Variants in ZNF804B observed in about 807,000 individuals in gnomAD.
The protein encoded by ZNF804B is zinc finger 804B.
Under a neutral mutation model 101.4 loss-of-function variants are expected in ZNF804B, and 80 were observed. That is an observed-to-expected ratio of 0.79 (90% CI 0.66 to 0.95). The LOEUF (loss-of-function observed/expected upper bound fraction) is 0.95. Among genes scored for constraint, ZNF804B ranks in the 40% least tolerant of loss-of-function variants. The pLI is 0.00. For synonymous variants in ZNF804B, 622 were observed against 558.8 expected (o/e 1.11, Z -1.59); for missense variants, 1,673 against 1,561.9 (o/e 1.07, Z -1.20).
intron 1 of ZNF804B, among the ~76,000 whole-genome samples, chr7:89,067,830 T>TTTC (rs1554360903): frequency 1.4e-4 from 21 of 146,146 alleles, no homozygotes; most frequent in Non-Finnish European, 2.9e-4. Context: ...TTTCTTTTCT[T>TTTC]TTTTTTTTTT....
At chr7:89,228,444 A>G (rs1789130896) in intron 2 of ZNF804B, among the ~76,000 whole-genome samples, 1 of 151,984 alleles carries the variant, frequency 6.6e-6, no homozygotes, top group African/African-American at 2.4e-5. Flanking sequence ...CCTGAGCTAG[A>G]CACATAGGTT....
chr7:88,841,888 C>T (rs1791297188), intron 1 of ZNF804B, among the ~76,000 whole-genome samples: 2 of 152,112 alleles, frequency 1.3e-5, no homozygotes, highest in African/African-American at 4.8e-5. Context: ...TACTGTATTT[C>T]TCAGAAAGAG....
rs1163210010 is a variant in ZNF804B, at chr7:88,947,467, A to G, written c.108+187383A>G. On this transcript the variant is annotated intron_variant, in intron 1 of 3. Coordinates refer to ENST00000333190, the MANE Select transcript of ZNF804B (RefSeq NM_181646.5). ...ACTCATAAGTGGGAGTTGAACAATG[A>G]GAACACGTGGACACAGGGAGGGGAA... 9.9e-5 allele frequency among the ~76,000 whole-genome samples: 15 copies of G among 151,820 alleles called. 1 individual carries two copies. The highest frequency in any genetic ancestry group is 9.2e-4 in the Admixed American group (14 of 15,204).
At chr7:89,174,501 T>C (rs1233538387) in intron 1 of ZNF804B, among the ~76,000 whole-genome samples, 1 of 152,090 alleles carries the variant, frequency 6.6e-6, no homozygotes, top group Non-Finnish European at 1.5e-5. Context: ...TCTCTGTTGA[T>C]GGACACACAA....
intron 1 of ZNF804B, among the ~76,000 whole-genome samples, chr7:88,912,673 G>A (rs1260455827): frequency 1.3e-5 from 2 of 151,854 alleles, no homozygotes; most frequent in African/African-American, 4.8e-5. Flanking sequence ...ATACTAATCC[G>A]GCTCTTCATT....
chr7:89,145,619 A>G (rs899580277), intron 1 of ZNF804B, among the ~76,000 whole-genome samples: 3 of 152,018 alleles, frequency 2.0e-5, no homozygotes, highest in African/African-American at 4.8e-5. Flanking sequence ...ACTAATTGTA[A>G]CCTTAAATGA....
At chr7:88,888,412 T>C (rs908689796) in intron 1 of ZNF804B, among the ~76,000 whole-genome samples, 7 of 152,018 alleles carry the variant, frequency 4.6e-5, no homozygotes, top group African/African-American at 1.2e-4. Context: ...ATATATTAGT[T>C]TTATGATCAT....
chr7:88,905,557 C>T (rs1040802602), intron 1 of ZNF804B, among the ~76,000 whole-genome samples: 5 of 152,072 alleles, frequency 3.3e-5, no homozygotes, highest in Non-Finnish European at 5.9e-5. Flanking sequence ...TGGGGTTTCA[C>T]CATGTTGGCC....
intron 1 of ZNF804B, among the ~76,000 whole-genome samples, chr7:88,762,231 T>C (rs1232911382): frequency 6.6e-6 from 1 of 152,258 alleles, no homozygotes; most frequent in African/African-American, 2.4e-5. Flanking sequence ...TTTGATTTAC[T>C]TGGTCTTCTT....
At chr7:88,777,490 A>C (rs955825302) in intron 1 of ZNF804B, among the ~76,000 whole-genome samples, 6 of 152,190 alleles carry the variant, frequency 3.9e-5, no homozygotes, top group African/African-American at 1.4e-4. Context: ...AAGAGTGAGA[A>C]TAGAGCTGAA....
At chr7:89,132,549 C>T (rs1192551134) in intron 1 of ZNF804B, among the ~76,000 whole-genome samples, 2 of 151,948 alleles carry the variant, frequency 1.3e-5, no homozygotes, top group African/African-American at 2.4e-5. Flanking sequence ...ACTGCTGTGA[C>T]CTTAGGTATT....
chr7:88,877,170 A>G (rs1389840845), intron 1 of ZNF804B, among the ~76,000 whole-genome samples: 1 of 143,458 alleles, frequency 7.0e-6, no homozygotes, highest in Non-Finnish European at 1.5e-5. Context: ...AGTGATTCTC[A>G]TGCCTCAGCC....
chr7:89,189,233 C>A (rs1161960771), intron 1 of ZNF804B, among the ~76,000 whole-genome samples: 1 of 152,050 alleles, frequency 6.6e-6, no homozygotes, highest in Non-Finnish European at 1.5e-5. Flanking sequence ...TTACTGAATA[C>A]TTTAAGCCCA....
chr7:89,191,998 A>G (rs1788462339), intron 1 of ZNF804B, among the ~76,000 whole-genome samples: 1 of 152,116 alleles, frequency 6.6e-6, no homozygotes, highest in Non-Finnish European at 1.5e-5. Context: ...TCTAAAAAAA[A>G]TTGATCCTGT....
chr7:89,194,022 G>T (rs569056571), intron 1 of ZNF804B, among the ~76,000 whole-genome samples: 2 of 152,112 alleles, frequency 1.3e-5, no homozygotes, highest in South Asian at 2.1e-4. Context: ...GTGTGAGATG[G>T]TATCTCATTG....
intron 1 of ZNF804B, among the ~76,000 whole-genome samples, chr7:88,918,916 A>G (rs1213429433): frequency 6.6e-6 from 1 of 152,156 alleles, no homozygotes; most frequent in African/African-American, 2.4e-5. Context: ...GAAACACATC[A>G]AAGGAATATG....
At position 88,979,039 on chromosome 7, in the gene ZNF804B, A is replaced by T. The variant is rs548985974; in HGVS notation, c.108+218955A>T. On this transcript the variant is annotated intron_variant, in intron 1 of 3. Transcript: ENST00000333190. ...CACTGATTGCAAAAACAAACAAAAGACCAAACATGCAAGAGAAAGCTAGTA... is the reference window on the plus strand; with the variant it reads ...CACTGATTGCAAAAACAAACAAAAGTCCAAACATGCAAGAGAAAGCTAGTA... Among the ~76,000 whole-genome samples, 46 of 152,070 alleles carry T rather than the reference A, an allele frequency of 3.0e-4. No individual in the cohort carries two copies. In the South Asian group the frequency reaches 9.3e-3, roughly 31 times the overall value.
intron 2 of ZNF804B, among the ~76,000 whole-genome samples, chr7:89,224,683 A>T (rs575538260): frequency 6.7e-6 from 1 of 150,106 alleles, no homozygotes; most frequent in African/African-American, 2.5e-5. Context: ...TCCATTTTGC[A>T]TTCTGTAAAC....
chr7:89,156,087 T>A (rs1790969716), intron 1 of ZNF804B, among the ~76,000 whole-genome samples: 1 of 95,062 alleles, frequency 1.1e-5, no homozygotes, highest in Non-Finnish European at 2.4e-5. Context: ...TTTCTCTCTT[T>A]CCTTTCTTTC....
Sources: allele counts gnomAD v4.1 joint callset (sites outside exome capture counted in the v4.1 genomes callset), GRCh38; gene constraint gnomAD v4.1.1; transcripts MANE v1.5; gene names NCBI Gene and HGNC (gene_info 2026-07-23, HGNC 2026-07-21).